CCDC9B: variants seen among roughly 807,000 people sequenced by gnomAD.
The protein encoded by CCDC9B is coiled-coil domain-containing protein 9B.
In CCDC9B, 40 loss-of-function variants were observed where a neutral mutation model predicts 47.2. The ratio of observed to expected loss-of-function variants is 0.85; its 90% confidence interval spans 0.66 to 1.10. The LOEUF (loss-of-function observed/expected upper bound fraction) is 1.10, where lower values mean the gene tolerates loss of function less well. Among genes scored for constraint, CCDC9B ranks in the 50% least tolerant of loss-of-function variants. The pLI is 0.00. For missense variants in CCDC9B, 662 were observed against 651.0 expected (o/e 1.02, Z -0.18); for synonymous variants, 238 against 250.7 (o/e 0.95, Z 0.48).
chr15:40,338,206 C>G, intron 5 of CCDC9B: 1 of 708,316 alleles, frequency 1.4e-6, no homozygotes, highest in Non-Finnish European at 2.6e-6. Flanking sequence ...TGAGCAAGGG[C>G]AAGGACTAGG....
chr15:40,336,248 G>T (rs1199535143), intron 9 of CCDC9B: 1 of 985,260 alleles, frequency 1.0e-6, no homozygotes, highest in African/African-American at 1.7e-5. Flanking sequence ...CCCATCCTGG[G>T]TCCCCAGCTG....
At chr15:40,339,185 C>T (rs866941780) in intron 3 of CCDC9B, 1 of 592,628 alleles carries the variant, frequency 1.7e-6, no homozygotes, top group South Asian at 2.0e-5. Context: ...CTGCTCCTGG[C>T]ATTCAGCCCC....
intron 5 of CCDC9B, 166 bp from the exon 6 acceptor site, chr15:40,338,059 T>C (rs1028964030): frequency 1.3e-6 from 1 of 757,682 alleles, no homozygotes; most frequent in Non-Finnish European, 2.4e-6. Flanking sequence ...TTGTTAGCTG[T>C]GTGTTTTACA....
chr15:40,336,847 G>A (rs1432893826), intron 7 of CCDC9B, 34 bp from the exon 8 acceptor site: 4 of 1,575,138 alleles, frequency 2.5e-6, no homozygotes, highest in East Asian at 4.5e-5. Context: ...GAAAGGTGGG[G>A]TGACAAAGGA....
In CCDC9B at chr15:40,335,813, C is replaced by T; in HGVS notation, c.901G>A (p.Glu301Lys). Residue 301 changes from glutamate (E) to lysine (K), a missense_variant, in exon 10 of 11, where the codon GAA (glutamate) becomes AAA (lysine). Glu to Lys is a moderately conservative substitution (Grantham distance 56). Coordinates refer to ENST00000397536, the MANE Select transcript of CCDC9B (RefSeq NM_207380.3). ...TGRARRWDMK[E>K]DKEELEGQEG... ...TGACCTTCCAGCTCCTCCTTGTCTT[C>T]CTTCATATCCCACCTGTAGAAACAC... 3.1e-6 allele frequency: 5 copies of T among 1,611,112 alleles called. No individual in the cohort carries two copies. The highest frequency in any genetic ancestry group is 4.2e-6 in the Non-Finnish European group (5 of 1,178,636).
chr15:40,337,827 A>C lies in CCDC9B; in HGVS notation c.580T>G (p.Trp194Gly). Reference sequence around the variant, plus strand: ...TCGATCTGCTCCCGCTCCTGCTTCCACTGGGCATAGTCCCAGCCCGCCTCC... The same window carrying C: ...TCGATCTGCTCCCGCTCCTGCTTCCCCTGGGCATAGTCCCAGCCCGCCTCC... ...PPEAGWDYAQWKQEREQIDLA... is the reference protein window; with the variant it reads ...PPEAGWDYAQGKQEREQIDLA... Residue 194 changes from tryptophan (W) to glycine (G), a missense_variant, in exon 6 of 11, where the codon TGG becomes GGG. Transcript: ENST00000397536. 5 of 1,610,584 alleles carry C rather than the reference A, an allele frequency of 3.1e-6. No homozygotes were observed. Among genetic ancestry groups the C allele is most frequent in the Non-Finnish European group, 4.2e-6 (5 of 1,179,666 alleles).
rs1888897529 is a variant in CCDC9B at position 40,333,566 on chromosome 15, T to TAAAAAAAAACAAAAAAAAAAAAAAAA, written c.*1591_*1592insTTTTTTTTTTTTTTTTGTTTTTTTTT. 1.5e-5 allele frequency: 1 copy of TAAAAAAAAACAAAAAAAAAAAAAAAA among 65,530 alleles called. No individual in the cohort carries two copies. The highest frequency in any genetic ancestry group is 6.8e-5 in the African/African-American group (1 of 14,710). The allele number at this position is 65,530 out of a possible 1,614,324, so 4.1% of individuals were successfully genotyped here. ...TAGGTGATAACAGCAGGACCCTAAC[T>TAAAAAAAAACAAAAAAAAAAAAAAAA]AAAAAAAAAAAAAAAAAAAAAAGAC... is the stretch of plus-strand genomic sequence containing the variant. On this transcript the variant is annotated 3_prime_UTR_variant, in exon 11 of 11. Coordinates refer to ENST00000397536, the MANE Select transcript of CCDC9B (RefSeq NM_207380.3).
At chr15:40,339,697 G>A in intron 2 of CCDC9B, 78 bp from the exon 3 acceptor site, 1 of 1,588,468 alleles carries the variant, frequency 6.3e-7, no homozygotes, top group East Asian at 2.3e-5. Flanking sequence ...GGCCTACACA[G>A]AGAGACACCA....
chr15:40,340,721 C>G, intron 1 of CCDC9B, 87 bp downstream of exon 1: 3 of 1,320,764 alleles, frequency 2.3e-6, no homozygotes, highest in Non-Finnish European at 3.1e-6. Context: ...CCAGCTGTCC[C>G]CAGCTGCCCC....
In CCDC9B at chr15:40,340,821, G is replaced by A. The variant is rs757347529; in HGVS notation, c.-2C>T. 1 of 1,609,224 alleles carries A rather than the reference G, an allele frequency of 6.2e-7. No individual in the cohort carries two copies. Among genetic ancestry groups the A allele is most frequent in the Non-Finnish European group, 8.5e-7 (1 of 1,178,450 alleles). The stretch of plus-strand genomic sequence containing the variant: ...ACTGCCACTCACAGCCGAGTGCATG[G>A]CAACGGCGGGCACCGAGAGAATTCC... On this transcript the variant is annotated 5_prime_UTR_variant, in exon 1 of 11. Transcript: ENST00000397536.
chr15:40,338,974 G>A, intron 3 of CCDC9B, 71 bp from the exon 4 acceptor site: 2 of 1,567,906 alleles, frequency 1.3e-6, no homozygotes, highest in Non-Finnish European at 1.8e-6. Flanking sequence ...CCTCTCGGTG[G>A]TTCCCCAGGC....
chr15:40,338,406 A>G, intron 5 of CCDC9B, 129 bp downstream of exon 5: 3 of 1,069,400 alleles, frequency 2.8e-6, no homozygotes, highest in Non-Finnish European at 4.1e-6. Flanking sequence ...AGGGAGGAGG[A>G]GCAGGAACTC....
Position 40,333,663 on chromosome 15 carries a change from A to G in CCDC9B, c.*1495T>C, listed in dbSNP as rs1888900086. On this transcript the variant is annotated 3_prime_UTR_variant, in exon 11 of 11. Coordinates refer to ENST00000397536, the MANE Select transcript of CCDC9B (RefSeq NM_207380.3). The stretch of plus-strand genomic sequence containing the variant: ...AGTTAAAGTATGAGAGACACTTCTC[A>G]AAACAGTCTGGTCTGCTAAAGAGAT... 1 of 207,680 alleles carries G rather than the reference A, an allele frequency of 4.8e-6. No individual in the cohort carries two copies. Among genetic ancestry groups the G allele is most frequent in the Admixed American group, 6.6e-5 (1 of 15,252 alleles). The allele number at this position is 207,680 out of a possible 1,614,324, so 12.9% of individuals were successfully genotyped here. A position where few individuals can be genotyped will look rare whatever the true frequency, so the allele number is the denominator to read the frequency against.
rs1169669745 is a variant in CCDC9B at position 40,332,713 on chromosome 15, C to T, written c.*2445G>A. On this transcript the variant is annotated 3_prime_UTR_variant, in exon 11 of 11. Transcript: ENST00000397536. ...ATCTTATAATTCAGATTCTTGATCA[C>T]AATCATTTTTGGAGACATCTGCCTG... 1 of 152,186 alleles carries T rather than the reference C, an allele frequency of 6.6e-6. No individual in the cohort carries two copies. Among genetic ancestry groups the T allele is most frequent in the African/African-American group, 2.4e-5 (1 of 41,426 alleles). 9.4% of individuals were successfully genotyped at this position (152,186 alleles called of 1,614,324 possible).
chr15:40,333,802 G>A lies in CCDC9B; in HGVS notation c.*1356C>T. 1 of 198,952 alleles carries A rather than the reference G, an allele frequency of 5.0e-6. No individual in the cohort carries two copies. The highest frequency in any genetic ancestry group is 9.0e-6 in the Non-Finnish European group (1 of 111,020). The allele number at this position is 198,952 out of a possible 1,614,324, so 12.3% of individuals were successfully genotyped here. ...TTGGGCAGTGGAGAAATCCCAGGGTGATCTGGACTCTCCCTAGAGCCCCAC... is the reference window on the plus strand; with the variant it reads ...TTGGGCAGTGGAGAAATCCCAGGGTAATCTGGACTCTCCCTAGAGCCCCAC... On this transcript the variant is annotated 3_prime_UTR_variant, in exon 11 of 11. Coordinates refer to ENST00000397536, the MANE Select transcript of CCDC9B (RefSeq NM_207380.3).
In CCDC9B at chr15:40,332,714, AATCATTTTTGGAGAC is replaced by A. The variant is rs1399605577; in HGVS notation, c.*2429_*2443del. On this transcript the variant is annotated 3_prime_UTR_variant, in exon 11 of 11. Transcript: ENST00000397536. ...TCTTATAATTCAGATTCTTGATCAC[AATCATTTTTGGAGAC>A]ATCTGCCTGATGTCTCCAAAATCTA... 3 of 152,150 alleles carry A rather than the reference AATCATTTTTGGAGAC, an allele frequency of 2.0e-5. No homozygotes were observed. Among genetic ancestry groups the A allele is most frequent in the Admixed American group, 6.5e-5 (1 of 15,284 alleles). The allele number at this position is 152,150 out of a possible 1,614,324, so 9.4% of individuals were successfully genotyped here.
At position 40,335,637 on chromosome 15, in the gene CCDC9B, C is replaced by T; in HGVS notation, c.994G>A (p.Glu332Lys). Reference sequence around the variant, plus strand: ...GGGGCGCTCCCCAGTCGGCCCTGCTCCATCCCGCTCTGCTTCTGGGCTTGC... The same window carrying T: ...GGGGCGCTCCCCAGTCGGCCCTGCTTCATCCCGCTCTGCTTCTGGGCTTGC... Reference protein sequence around the residue: ...EEQAQKQSGMEQGRLGSAPAA... With the variant: ...EEQAQKQSGMKQGRLGSAPAA... Residue 332 changes from glutamate to lysine, a missense_variant, in exon 11 of 11, where the codon GAG becomes AAG. Glu to Lys is a moderately conservative substitution (Grantham distance 56). Transcript: ENST00000397536. The T allele has an allele frequency of 1.3e-6, 2 of 1,521,028 alleles. No individual in the cohort carries two copies. The highest frequency in any genetic ancestry group is 1.8e-6 in the Non-Finnish European group (2 of 1,129,784). The allele number at this position is 1,521,028 out of a possible 1,614,324, so 94.2% of individuals were successfully genotyped here.
At chr15:40,337,668 G>A in intron 6 of CCDC9B, 56 bp downstream of exon 6, 1 of 1,529,050 alleles carries the variant, frequency 6.5e-7, no homozygotes, top group Admixed American at 2.0e-5. Context: ...TCCCAGCAGT[G>A]CCCGAAGCCA....
At chr15:40,339,650 A>G in intron 2 of CCDC9B, 31 bp from the exon 3 acceptor site, 2 of 1,610,584 alleles carry the variant, frequency 1.2e-6, no homozygotes, top group Non-Finnish European at 1.7e-6. Context: ...AGCACACGCC[A>G]TGGCCCCCCA....
Sources: allele counts gnomAD v4.1 joint callset, GRCh38; gene constraint gnomAD v4.1.1; transcripts MANE v1.5; gene names NCBI Gene and HGNC (gene_info 2026-07-23, HGNC 2026-07-21).